Variants in ATF7IP observed in about 807,000 individuals in gnomAD.
ATF7IP encodes activating transcription factor 7 interacting protein.
ATF7IP carries 23 observed loss-of-function variants against 106.4 expected under a neutral mutation model. The ratio of observed to expected loss-of-function variants is 0.22; its 90% CI spans 0.16 to 0.31. The LOEUF (loss-of-function observed/expected upper bound fraction) is 0.31. ATF7IP is among the 10% of genes least tolerant of loss of function. The pLI is 1.00. For synonymous variants in ATF7IP, 542 were observed against 539.0 expected (o/e 1.01, Z -0.08); for missense variants, 1,334 against 1,524.3 (o/e 0.88, Z 2.08).
chr12:14,390,259 C>T (rs1939472311), intron 1 of ATF7IP, among the ~76,000 whole-genome samples: 1 of 152,122 alleles, frequency 6.6e-6, no homozygotes, highest in South Asian at 2.1e-4. Context: ...GTAGGAGAGA[C>T]TTAGAATATA....
intron 1 of ATF7IP, among the ~76,000 whole-genome samples, chr12:14,392,050 A>T (rs1035259852): frequency 1.3e-5 from 2 of 152,188 alleles, no homozygotes; most frequent in African/African-American, 2.4e-5. Context: ...GGAATGAGGC[A>T]AGTTACTTAT....
intron 1 of ATF7IP, among the ~76,000 whole-genome samples, chr12:14,406,666 T>G (rs1021006460): frequency 1.4e-4 from 19 of 136,214 alleles, no homozygotes; most frequent in East Asian, 2.2e-4. Context: ...TATTTATGGG[T>G]TTTTTTTTTT....
At chr12:14,431,871 T>C (rs1007858347) in intron 2 of ATF7IP, among the ~76,000 whole-genome samples, 10 of 152,212 alleles carry the variant, frequency 6.6e-5, no homozygotes, top group African/African-American at 2.4e-4. Context: ...TAAAGAAATA[T>C]AAGGCCCTAC....
chr12:14,411,037 A>G (rs545868296), intron 1 of ATF7IP, among the ~76,000 whole-genome samples: 1 of 152,276 alleles, frequency 6.6e-6, no homozygotes, highest in Non-Finnish European at 1.5e-5. Flanking sequence ...GTCACAGGGC[A>G]TTTAGGTTGT....
At chr12:14,370,338 G>C (rs1203775763) in intron 1 of ATF7IP, among the ~76,000 whole-genome samples, 1 of 152,026 alleles carries the variant, frequency 6.6e-6, no homozygotes, top group Non-Finnish European at 1.5e-5. Flanking sequence ...ACTGTATCTG[G>C]GCCTTATTCT....
intron 1 of ATF7IP, among the ~76,000 whole-genome samples, chr12:14,421,382 T>C (rs1271213521): frequency 6.6e-6 from 1 of 152,214 alleles, no homozygotes; most frequent in Non-Finnish European, 1.5e-5. Flanking sequence ...GTCTCAGAGT[T>C]CTGGAGGCAA....
At chr12:14,436,402 C>G (rs1458407069) in intron 4 of ATF7IP, 151 bp downstream of exon 4, 1 of 760,102 alleles carries the variant, frequency 1.3e-6, no homozygotes, top group Admixed American at 2.9e-5. Context: ...CTTTTAAAGT[C>G]TATTACTGGC....
chr12:14,436,641 G>A (rs1942411620), intron 4 of ATF7IP, among the ~76,000 whole-genome samples: 2 of 152,080 alleles, frequency 1.3e-5, no homozygotes, highest in Non-Finnish European at 2.9e-5. Context: ...GCAGTGAGCC[G>A]AGATCATGCC....
intron 1 of ATF7IP, among the ~76,000 whole-genome samples, chr12:14,409,408 A>G (rs1410525487): frequency 5.3e-5 from 8 of 152,268 alleles, no homozygotes; most frequent in Admixed American, 4.6e-4. Context: ...CCATTTTATA[A>G]TAAAAGAGAA....
intron 13 of ATF7IP, among the ~76,000 whole-genome samples, chr12:14,484,951 A>G (rs968129595): frequency 2.0e-5 from 3 of 152,156 alleles, no homozygotes; most frequent in African/African-American, 4.8e-5. Context: ...AGTTTCCACC[A>G]AAGCCCAGTT....
chr12:14,483,861 CCACTG>C (rs1944504393), intron 13 of ATF7IP, among the ~76,000 whole-genome samples: 1 of 152,046 alleles, frequency 6.6e-6, no homozygotes, highest in Non-Finnish European at 1.5e-5. Context: ...GAGAACGAGC[CCACTG>C]CTGCACTCCT....
Position 14,478,380 on chromosome 12 carries a change from C to G in ATF7IP, c.3005C>G (p.Pro1002Arg). The G allele has an allele frequency of 6.2e-7, 1 of 1,614,054 alleles. No individual in the cohort carries two copies. Among genetic ancestry groups the G allele is most frequent in the Non-Finnish European group, 8.5e-7 (1 of 1,179,966 alleles). The change falls in exon 12 of 15, where the codon CCA becomes CGA. Residue 1002 changes from proline to arginine, a missense_variant. Pro to Arg is a moderately radical substitution (Grantham distance 103). Transcript: ENST00000261168. ...AGTTCTTCTCAGCCTGTGTCACGAC[C>G]ATTGCAACCCATACAACCAGCACCG... ...TMSSSQPVSRPLQPIQPAPPL... is the reference protein window; with the variant it reads ...TMSSSQPVSRRLQPIQPAPPL...
intron 5 of ATF7IP, among the ~76,000 whole-genome samples, chr12:14,442,318 A>G (rs1433164244): frequency 6.6e-6 from 1 of 152,164 alleles, no homozygotes; most frequent in African/African-American, 2.4e-5. Flanking sequence ...AGAGAGGGAA[A>G]TATGTTTTTT....
At chr12:14,375,193 T>C in intron 1 of ATF7IP, among the ~76,000 whole-genome samples, 1 of 152,064 alleles carries the variant, frequency 6.6e-6, no homozygotes, top group Non-Finnish European at 1.5e-5. Flanking sequence ...TTTAACTCAT[T>C]ATCCACAGAT....
intron 1 of ATF7IP, among the ~76,000 whole-genome samples, chr12:14,409,008 C>T (rs1290335274): frequency 1.3e-5 from 2 of 151,948 alleles, no homozygotes; most frequent in African/African-American, 4.8e-5. Flanking sequence ...ACCTCAGAAG[C>T]ACATCATCAT....
chr12:14,467,457 C>T (rs1943877790), intron 10 of ATF7IP, among the ~76,000 whole-genome samples: 1 of 152,106 alleles, frequency 6.6e-6, no homozygotes, highest in South Asian at 2.1e-4. Context: ...TGTTAGCAGT[C>T]TTTGTGTGCA....
intron 8 of ATF7IP, 93 bp downstream of exon 8, chr12:14,457,388 A>G (rs1415165270): frequency 6.2e-6 from 6 of 964,916 alleles, no homozygotes; most frequent in South Asian, 1.7e-5. Flanking sequence ...GAAATGGATT[A>G]AGAAATTGGG....
At chr12:14,366,118 G>A (rs1288192881) in intron 1 of ATF7IP, among the ~76,000 whole-genome samples, 1 of 152,166 alleles carries the variant, frequency 6.6e-6, no homozygotes, top group Non-Finnish European at 1.5e-5. Context: ...CGTTCTTGAG[G>A]GGTTTCTTTG....
Position 14,475,920 on chromosome 12 carries a change from G to T in ATF7IP, c.2893G>T (p.Gly965Cys). The stretch of plus-strand genomic sequence containing the variant: ...AAAAGCCACTGGCAGTGATTCAAGT[G>T]GTGTCATTGATCTCACAATGGATGA... ...CGKATGSDSS[G>C]VIDLTMDDEE... Residue 965 changes from glycine (G) to cysteine (C), a missense_variant, in exon 11 of 15, where the codon GGT (glycine) becomes TGT (cysteine). This residue lies in a region of ATF7IP where 370 missense variants were observed against 401.2 expected (regional missense o/e 0.92). Coordinates refer to ENST00000261168, the MANE Select transcript of ATF7IP (RefSeq NM_018179.5). 6.2e-7 allele frequency: 1 copy of T among 1,613,624 alleles called. No individual in the cohort carries two copies. Among genetic ancestry groups the T allele is most frequent in the Non-Finnish European group, 8.5e-7 (1 of 1,179,834 alleles).
Sources: allele counts gnomAD v4.1 joint callset (sites outside exome capture counted in the v4.1 genomes callset), GRCh38; gene constraint gnomAD v4.1.1; regional missense constraint gnomAD v4.1.1; transcripts MANE v1.5; gene names NCBI Gene and HGNC (gene_info 2026-07-23, HGNC 2026-07-21).